The following TOX variants were observed in gnomAD, a reference collection of about 807,000 sequenced individuals.
The protein encoded by TOX is thymocyte selection associated high mobility group box, also known as thymocyte selection-associated high mobility group box protein TOX.
Under a neutral mutation model 53.7 loss-of-function variants are expected in TOX, and 11 were observed. The ratio of observed to expected loss-of-function variants is 0.20; its 90% CI spans 0.13 to 0.34. The LOEUF (loss-of-function observed/expected upper bound fraction) is 0.34. Among genes scored for constraint, TOX ranks in the 10% least tolerant of loss-of-function variants. TOX has a pLI of 1.00. For missense variants in TOX, 570 were observed against 664.6 expected, an observed-to-expected ratio of 0.86 and a Z score of 1.56; for synonymous variants, 225 against 245.3, an observed-to-expected ratio of 0.92 and a Z score of 0.77.
chr8:58,932,723 C>T (rs1812276995), intron 3 of TOX, among the ~76,000 whole-genome samples: 1 of 152,114 alleles, frequency 6.6e-6, no homozygotes, highest in South Asian at 2.1e-4. Flanking sequence ...TGCTCTAATA[C>T]ATCTGAATTC....
chr8:58,994,116 C>T (rs1813509713), intron 1 of TOX, among the ~76,000 whole-genome samples: 1 of 152,184 alleles, frequency 6.6e-6, no homozygotes, highest in Admixed American at 6.5e-5. Context: ...AGCCTTCTTT[C>T]TTTGCCAGTC....
At chr8:58,844,478 A>C (rs916648094) in intron 4 of TOX, among the ~76,000 whole-genome samples, 1 of 152,150 alleles carries the variant, frequency 6.6e-6, no homozygotes, top group Non-Finnish European at 1.5e-5. Flanking sequence ...AAGAAACCAT[A>C]TAATGCACAA....
intron 3 of TOX, among the ~76,000 whole-genome samples, chr8:58,879,777 A>T (rs1298531697): frequency 6.6e-6 from 1 of 152,170 alleles, no homozygotes; most frequent in Non-Finnish European, 1.5e-5. Context: ...TCCAAAACAA[A>T]CAAGGCTCTA....
intron 1 of TOX, among the ~76,000 whole-genome samples, chr8:59,045,705 T>G (rs186669497): frequency 6.6e-6 from 1 of 152,350 alleles, no homozygotes; most frequent in African/African-American, 2.4e-5. Flanking sequence ...TCTGGGGTCC[T>G]GTGCTTCATT....
At chr8:58,808,052 C>A in intron 8 of TOX, 66 bp downstream of exon 8, 1 of 1,539,610 alleles carries the variant, frequency 6.5e-7, no homozygotes, top group South Asian at 1.3e-5. Context: ...AGAGAACGAT[C>A]AACTAGGGAC....
intron 1 of TOX, among the ~76,000 whole-genome samples, chr8:59,061,569 C>A (rs544149095): frequency 5.3e-5 from 8 of 152,148 alleles, no homozygotes; most frequent in African/African-American, 1.9e-4. Flanking sequence ...CTCTTTTCCC[C>A]CACCCCATAG....
At chr8:59,036,236 G>A (rs556324325) in intron 1 of TOX, among the ~76,000 whole-genome samples, 1 of 152,350 alleles carries the variant, frequency 6.6e-6, no homozygotes. Flanking sequence ...AAGGACGGGT[G>A]TGGGACGTTC....
chr8:58,998,141 A>G (rs1229276477), intron 1 of TOX, among the ~76,000 whole-genome samples: 2 of 152,022 alleles, frequency 1.3e-5, no homozygotes, highest in East Asian at 3.9e-4. Flanking sequence ...TCAGATAATC[A>G]GTGGTGAGTA....
At chr8:58,965,886 G>A (rs1311349322) in intron 1 of TOX, among the ~76,000 whole-genome samples, 3 of 121,216 alleles carry the variant, frequency 2.5e-5, no homozygotes, top group Non-Finnish European at 4.9e-5. Context: ...ATAAGATTAC[G>A]AGTCATCGTT....
At chr8:58,942,624 T>C (rs896655336) in intron 2 of TOX, among the ~76,000 whole-genome samples, 11 of 152,230 alleles carry the variant, frequency 7.2e-5, no homozygotes, top group African/African-American at 2.7e-4. Flanking sequence ...TATTTTTTAA[T>C]GTGGAAATGA....
intron 7 of TOX, among the ~76,000 whole-genome samples, chr8:58,809,195 C>T (rs1356553647): frequency 6.6e-6 from 1 of 152,192 alleles, no homozygotes; most frequent in Non-Finnish European, 1.5e-5. Context: ...TCATGGTTGT[C>T]TCCAAAGCAG....
chr8:58,838,466 CCAGATGAAACTG>C (rs1013091141), intron 4 of TOX, among the ~76,000 whole-genome samples, 155 bp from the exon 5 acceptor site: 12 of 151,832 alleles, frequency 7.9e-5, no homozygotes, highest in Non-Finnish European at 1.6e-4. Flanking sequence ...TTTTTTTTTC[CCAGATGAAACTG>C]CATATTTCAA....
intron 2 of TOX, among the ~76,000 whole-genome samples, chr8:58,949,806 G>A (rs1381618789): frequency 2.6e-5 from 4 of 151,320 alleles, no homozygotes; most frequent in Non-Finnish European, 4.4e-5. Flanking sequence ...AGCATTCAGT[G>A]TTGGGCTCTT....
chr8:58,937,495 G>A (rs1358768609), intron 3 of TOX, among the ~76,000 whole-genome samples: 1 of 152,200 alleles, frequency 6.6e-6, no homozygotes, highest in Non-Finnish European at 1.5e-5. Context: ...TGTGCCATTT[G>A]AGGATGGCAT....
chr8:58,923,919 A>T (rs1161167838), intron 3 of TOX, among the ~76,000 whole-genome samples: 4 of 152,308 alleles, frequency 2.6e-5, no homozygotes, highest in Admixed American at 2.6e-4. Context: ...AGCTATTCTA[A>T]GTCCTGTGTG....
chr8:58,977,858 C>T (rs969010542), intron 1 of TOX, among the ~76,000 whole-genome samples: 4 of 152,036 alleles, frequency 2.6e-5, no homozygotes, highest in African/African-American at 9.7e-5. Context: ...CATCAAAGAC[C>T]ACTAATCACA....
intron 3 of TOX, among the ~76,000 whole-genome samples, chr8:58,896,969 T>A (rs1394035565): frequency 6.6e-6 from 1 of 152,204 alleles, no homozygotes; most frequent in Non-Finnish European, 1.5e-5. Flanking sequence ...TCTTTAGTCT[T>A]TTATTTGTCA....
intron 3 of TOX, among the ~76,000 whole-genome samples, chr8:58,854,244 C>T (rs937335554): frequency 1.3e-4 from 20 of 152,284 alleles, no homozygotes; most frequent in Admixed American, 9.2e-4. Flanking sequence ...TTACAAAACA[C>T]GTACAGTCTG....
intron 1 of TOX, among the ~76,000 whole-genome samples, chr8:59,051,134 A>C (rs1475228736): frequency 6.6e-6 from 1 of 152,144 alleles, no homozygotes; most frequent in Non-Finnish European, 1.5e-5. Context: ...ACATCAACAT[A>C]TAGATGGCAA....
Sources: allele counts gnomAD v4.1 joint callset (sites outside exome capture counted in the v4.1 genomes callset), GRCh38; gene constraint gnomAD v4.1.1; transcripts MANE v1.5; gene names NCBI Gene and HGNC (gene_info 2026-07-23, HGNC 2026-07-21).